AIDA: variants seen among roughly 807,000 people sequenced by gnomAD.
AIDA encodes axin interactor, dorsalization associated.
A neutral mutation model predicts 42.7 loss-of-function variants in AIDA; 18 were observed. The ratio of observed to expected loss-of-function variants is 0.42; its 90% CI spans 0.29 to 0.63. The LOEUF is 0.63. AIDA is among the 20% of genes least tolerant of loss of function. The probability of loss-of-function intolerance (pLI) is 0.19; values close to 1 mark genes in which losing one functional copy is unlikely to be tolerated. For synonymous variants in AIDA, 104 were observed against 122.9 expected, an observed-to-expected ratio of 0.85 and a Z score of 1.02; for missense variants, 250 against 354.1, an observed-to-expected ratio of 0.71 and a Z score of 2.36.
chr1:222,692,517 A>G (rs937825364), intron 4 of AIDA, among the ~76,000 whole-genome samples: 1 of 152,182 alleles, frequency 6.6e-6, no homozygotes, highest in African/African-American at 2.4e-5. Flanking sequence ...TTATTTTTTA[A>G]TTATGAGAAG....
chr1:222,712,109 G>A (rs1055793963), intron 1 of AIDA, 99 bp downstream of exon 1: 12 of 1,527,458 alleles, frequency 7.9e-6, no homozygotes, highest in African/African-American at 6.9e-5. Context: ...ACCCTGAGAA[G>A]CCTTGGCTGC....
At chr1:222,700,933 C>T (rs1655672479) in intron 2 of AIDA, among the ~76,000 whole-genome samples, 1 of 140,526 alleles carries the variant, frequency 7.1e-6, no homozygotes, top group African/African-American at 2.7e-5. Context: ...TCTCATCAGT[C>T]TAATCATTAT....
chr1:222,679,504 G>A lies in AIDA; in HGVS notation c.461-3286C>T, dbSNP rs370517831. Among the ~76,000 whole-genome samples the A allele has an allele frequency of 5.3e-5, 8 of 152,260 alleles. No individual in the cohort carries two copies. In the East Asian group the frequency reaches 1.4e-3, roughly 26 times the overall value. ...AAATAATAAACAGCCAACTTTTACAGAACATGTCAGGGTGTGCCAGGCACT... is the reference window on the plus strand; with the variant it reads ...AAATAATAAACAGCCAACTTTTACAAAACATGTCAGGGTGTGCCAGGCACT... On this transcript the variant is annotated intron_variant, in intron 6 of 9. Coordinates refer to ENST00000340020, the MANE Select transcript of AIDA (RefSeq NM_022831.4).
Position 222,691,036 on chromosome 1 carries a change from C to A in AIDA, c.289+2753G>T, listed in dbSNP as rs931582875. 4.6e-5 allele frequency among the ~76,000 whole-genome samples: 7 copies of A among 152,266 alleles called. No individual in the cohort carries two copies. In the South Asian group the frequency reaches 1.0e-3, roughly 23 times the overall value. On this transcript the variant is annotated intron_variant, in intron 4 of 9. Coordinates refer to ENST00000340020, the MANE Select transcript of AIDA (RefSeq NM_022831.4). Reference sequence around the variant, plus strand: ...ACTGTGATTAGTGTTATAAAGGACACAAACAGGATGAGTGTGTAAATGGAT... The same window carrying A: ...ACTGTGATTAGTGTTATAAAGGACAAAAACAGGATGAGTGTGTAAATGGAT...
intron 2 of AIDA, among the ~76,000 whole-genome samples, chr1:222,694,572 C>T (rs1655461735): frequency 6.6e-6 from 1 of 152,154 alleles, no homozygotes; most frequent in South Asian, 2.1e-4. Flanking sequence ...CAAGCTTCAC[C>T]TTTTCTTCTC....
At chr1:222,712,130 A>T (rs1175187714) in intron 1 of AIDA, 78 bp downstream of exon 1, 2 of 1,544,544 alleles carry the variant, frequency 1.3e-6, no homozygotes, top group Admixed American at 4.0e-5. Flanking sequence ...AGATACGGTG[A>T]TGAGAGACAC....
At chr1:222,670,753 G>A (rs1431818219) in intron 8 of AIDA, among the ~76,000 whole-genome samples, 1 of 152,182 alleles carries the variant, frequency 6.6e-6, no homozygotes, top group African/African-American at 2.4e-5. Context: ...TGGCTCAGCT[G>A]GAAAATGTTA....
Position 222,672,192 on chromosome 1 carries a change from G to C in AIDA, c.706+1121C>G, listed in dbSNP as rs115205973. Among the ~76,000 whole-genome samples the C allele has an allele frequency of 1.4e-3, 211 of 152,088 alleles. 2 individuals carry two copies. Among genetic ancestry groups the C allele is most frequent in the African/African-American group, 5.0e-3 (207 of 41,488 alleles). ...TTAATAGAGTCAAATTTTGAATCTA[G>C]TTCTACTTTTATTATCTAGTGAGTC... On this transcript the variant is annotated intron_variant, in intron 8 of 9. Transcript: ENST00000340020.
chr1:222,701,659 G>C (rs1655708520), intron 2 of AIDA, among the ~76,000 whole-genome samples: 1 of 151,984 alleles, frequency 6.6e-6, no homozygotes, highest in African/African-American at 2.4e-5. Context: ...AAAATCCTAA[G>C]ACTCCTAATA....
intron 1 of AIDA, among the ~76,000 whole-genome samples, chr1:222,711,211 A>T (rs1175294605): frequency 6.6e-6 from 1 of 152,154 alleles, no homozygotes; most frequent in African/African-American, 2.4e-5. Flanking sequence ...AAACAATAGC[A>T]TTTTGGCAGA....
rs778408023 is a variant in AIDA at position 222,712,345 on chromosome 1, C to T, written c.-28G>A. On this transcript the variant is annotated 5_prime_UTR_variant, in exon 1 of 10. Transcript: ENST00000340020. ...CCGGTCCCCACCCCGTCCCCTCCCGCCCCTACCCCAGCAAGGCCGGGTTCT... is the reference window on the plus strand; with the variant it reads ...CCGGTCCCCACCCCGTCCCCTCCCGTCCCTACCCCAGCAAGGCCGGGTTCT... The T allele has an allele frequency of 4.7e-5, 72 of 1,527,506 alleles. No individual in the cohort carries two copies. The highest frequency in any genetic ancestry group is 6.3e-5 in the Non-Finnish European group (71 of 1,135,502). The allele number at this position is 1,527,506 out of a possible 1,614,324, so 94.6% of individuals were successfully genotyped here.
At chr1:222,706,587 C>T (rs1458256680) in intron 1 of AIDA, among the ~76,000 whole-genome samples, 1 of 152,088 alleles carries the variant, frequency 6.6e-6, no homozygotes, top group East Asian at 1.9e-4. Context: ...AAAGATCACA[C>T]CCGGCATGTG....
chr1:222,694,328 G>T, intron 2 of AIDA, 65 bp from the exon 3 acceptor site: 1 of 1,316,266 alleles, frequency 7.6e-7, no homozygotes, highest in Non-Finnish European at 1.1e-6. Flanking sequence ...AAATCATCAA[G>T]TTAATTTTTA....
At chr1:222,685,241 C>T (rs1461946190) in intron 6 of AIDA, among the ~76,000 whole-genome samples, 1 of 152,152 alleles carries the variant, frequency 6.6e-6, no homozygotes, top group African/African-American at 2.4e-5. Flanking sequence ...ATGAAAAATA[C>T]AATGCTAAAT....
chr1:222,711,924 T>A, intron 1 of AIDA: 1 of 380,270 alleles, frequency 2.6e-6, no homozygotes, highest in Non-Finnish European at 4.8e-6. Flanking sequence ...ACTAAGCAGA[T>A]AGCCTGCTGG....
intron 2 of AIDA, among the ~76,000 whole-genome samples, chr1:222,701,752 C>T (rs1655712974): frequency 6.6e-6 from 1 of 152,164 alleles, no homozygotes; most frequent in South Asian, 2.1e-4. Context: ...AAGAGTCTTG[C>T]TCTGGCTGTC....
intron 1 of AIDA, among the ~76,000 whole-genome samples, chr1:222,704,249 T>C (rs1421912846): frequency 6.6e-6 from 1 of 152,186 alleles, no homozygotes; most frequent in Non-Finnish European, 1.5e-5. Context: ...CACCAGCCAC[T>C]GTGGAAAACA....
intron 6 of AIDA, among the ~76,000 whole-genome samples, chr1:222,678,300 A>T (rs568815932): frequency 6.6e-6 from 1 of 151,960 alleles, no homozygotes; most frequent in East Asian, 1.9e-4. Flanking sequence ...GTCACAACTT[A>T]AAATTTTCTT....
Position 222,676,357 on chromosome 1 carries a change from C to T in AIDA, c.461-139G>A, listed in dbSNP as rs541736200. On this transcript the variant is annotated intron_variant, in intron 6 of 9. Coordinates refer to ENST00000340020, the MANE Select transcript of AIDA (RefSeq NM_022831.4). The stretch of plus-strand genomic sequence containing the variant: ...TATTTTGGTTCCCGAAACTCCCAAA[C>T]GCTTGGCATTATTTTTCCAAATGTT... 28 of 925,444 alleles carry T rather than the reference C, an allele frequency of 3.0e-5. No homozygotes were observed. In the African/African-American group the frequency reaches 3.6e-4, roughly 12 times the overall value. The allele number at this position is 925,444 out of a possible 1,614,324, so 57.3% of individuals were successfully genotyped here. A position where few individuals can be genotyped will look rare whatever the true frequency, so the allele number is the denominator to read the frequency against.
Sources: gnomAD v4.1 joint callset for allele counts (sites outside exome capture counted in the v4.1 genomes callset) on GRCh38, gnomAD v4.1.1 for gene constraint, MANE v1.5 for transcripts, NCBI Gene and HGNC (gene_info 2026-07-23, HGNC 2026-07-21) for gene names.